Variants in BTBD1 observed in about 807,000 individuals in gnomAD.
BTBD1 encodes the protein BTB domain containing 1.
In BTBD1, 34 loss-of-function variants were observed where a neutral mutation model predicts 48.0. That is an observed-to-expected ratio of 0.71 (90% CI 0.54 to 0.94). The LOEUF is 0.94. BTBD1 is among the 40% of genes least tolerant of loss of function. The probability of loss-of-function intolerance (pLI) is 0.00; values close to 1 mark genes in which losing one functional copy is unlikely to be tolerated. For synonymous variants in BTBD1, 261 were observed against 242.1 expected (o/e 1.08, Z -0.72); for missense variants, 543 against 625.6 (o/e 0.87, Z 1.41).
chr15:83,067,121 C>T lies in BTBD1; in HGVS notation c.31G>A (p.Glu11Lys). The T allele has an allele frequency of 1.4e-6, 2 of 1,452,012 alleles. No homozygotes were observed. Among genetic ancestry groups the T allele is most frequent in the South Asian group, 1.5e-5 (1 of 68,370 alleles). 89.9% of individuals were successfully genotyped at this position (1,452,012 alleles called of 1,614,324 possible). A position where few individuals can be genotyped will look rare whatever the true frequency, so the allele number is the denominator to read the frequency against. The change falls in exon 1 of 8, where the codon GAG (glutamate) becomes AAG (lysine). Residue 11 changes from glutamate to lysine, a missense_variant. Glu to Lys is a moderately conservative substitution (Grantham distance 56). This residue lies in a region of BTBD1 where 173 missense variants were observed against 163.9 expected (regional missense o/e 1.06). Transcript: ENST00000261721. ...TCCGCCTCAGCCCCCGACGCCTGCT[C>T]CCCAGCTGCGGCAGGCCCGAGTGAG... is the stretch of plus-strand genomic sequence containing the variant. MASLGPAAAG[E>K]QASGAEAEPG... is the part of the protein sequence containing the mutation.
intron 2 of BTBD1, among the ~76,000 whole-genome samples, chr15:83,054,049 AGAT>A (rs1399110255): frequency 6.6e-6 from 1 of 152,004 alleles, no homozygotes; most frequent in East Asian, 1.9e-4. Flanking sequence ...GAGAATAAGG[AGAT>A]AATAGGCGAG....
intron 2 of BTBD1, among the ~76,000 whole-genome samples, chr15:83,054,287 G>A (rs1012812696): frequency 4.6e-5 from 7 of 151,940 alleles, no homozygotes; most frequent in South Asian, 2.1e-4. Flanking sequence ...GCAGTGAGCC[G>A]AACTGCACCA....
Position 83,017,960 on chromosome 15 carries a change from T to G in BTBD1, c.*107A>C. On this transcript the variant is annotated 3_prime_UTR_variant, in exon 8 of 8. Coordinates refer to ENST00000261721, the MANE Select transcript of BTBD1 (RefSeq NM_025238.4). ...TGCTCTAAGAAACTGTTTCTTATCTTACAATTTTAAATATTCATAACACTC... is the reference window on the plus strand; with the variant it reads ...TGCTCTAAGAAACTGTTTCTTATCTGACAATTTTAAATATTCATAACACTC... 1.5e-6 allele frequency: 1 copy of G among 659,590 alleles called. No homozygotes were observed. Among genetic ancestry groups the G allele is most frequent in the East Asian group, 3.0e-5 (1 of 33,288 alleles). 40.9% of individuals were successfully genotyped at this position (659,590 alleles called of 1,614,324 possible). A position where few individuals can be genotyped will look rare whatever the true frequency, so the allele number is the denominator to read the frequency against.
chr15:83,042,157 T>C (rs1160976067), intron 3 of BTBD1, among the ~76,000 whole-genome samples: 2 of 151,862 alleles, frequency 1.3e-5, no homozygotes. Context: ...ACATGCAATA[T>C]TAAGATACAG....
intron 2 of BTBD1, among the ~76,000 whole-genome samples, chr15:83,051,095 A>T (rs1567110922): frequency 6.6e-6 from 1 of 152,230 alleles, no homozygotes; most frequent in East Asian, 1.9e-4. Context: ...GATTTTTAAA[A>T]AGCTGAAACA....
At chr15:83,064,016 G>T (rs1054750199) in intron 1 of BTBD1, among the ~76,000 whole-genome samples, 7 of 152,096 alleles carry the variant, frequency 4.6e-5, no homozygotes, top group African/African-American at 1.4e-4. Flanking sequence ...TTTCACAAGC[G>T]CCCCAAAAGG....
intron 3 of BTBD1, chr15:83,044,269 T>A: frequency 3.0e-6 from 2 of 658,414 alleles, no homozygotes; most frequent in South Asian, 3.6e-5. Flanking sequence ...TAAAACATTT[T>A]AGATTTCTCA....
chr15:83,044,440 G>A, intron 3 of BTBD1: 1 of 1,575,138 alleles, frequency 6.3e-7, no homozygotes, highest in Non-Finnish European at 8.7e-7. Flanking sequence ...ATACATGAAG[G>A]AGGAGGAGTG....
rs1309131015 is a variant in BTBD1, at chr15:83,017,205, A to G, written c.*862T>C. 2.0e-5 allele frequency: 3 copies of G among 152,598 alleles called. No individual in the cohort carries two copies. The highest frequency in any genetic ancestry group is 7.2e-5 in the African/African-American group (3 of 41,422). 9.5% of individuals were successfully genotyped at this position (152,598 alleles called of 1,614,324 possible). On this transcript the variant is annotated 3_prime_UTR_variant, in exon 8 of 8. Coordinates refer to ENST00000261721, the MANE Select transcript of BTBD1 (RefSeq NM_025238.4). The stretch of plus-strand genomic sequence containing the variant: ...CAGAGCAGTTGTTAGAAATGTTAGT[A>G]TTTTATTCGGTTTCTTGCTGTGAAG...
At chr15:83,065,786 T>C (rs920343944) in intron 1 of BTBD1, among the ~76,000 whole-genome samples, 2 of 151,368 alleles carry the variant, frequency 1.3e-5, no homozygotes, top group South Asian at 4.2e-4. Flanking sequence ...GATTAAAAGC[T>C]AGTAATGCCA....
At chr15:83,040,753 TG>T (rs1038890858) in intron 4 of BTBD1, among the ~76,000 whole-genome samples, 1 of 150,824 alleles carries the variant, frequency 6.6e-6, no homozygotes, top group Non-Finnish European at 1.5e-5. Context: ...TGAATCAATC[TG>T]GCCGTGATTT....
rs567129797 is a variant in BTBD1, at chr15:83,059,524, G to C, written c.402-2979C>G. On this transcript the variant is annotated intron_variant, in intron 1 of 7. Transcript: ENST00000261721. ...CACGCCATTGTACTCCAGCCTGGGC[G>C]ACAGAGCAAGACTCCGTCTCAAAAA... Among the ~76,000 whole-genome samples, 4 of 152,276 alleles carry C rather than the reference G, an allele frequency of 2.6e-5. No individual in the cohort carries two copies. The South Asian group carries it at 8.3e-4, about 32-fold the overall frequency.
chr15:83,062,330 T>C (rs920476596), intron 1 of BTBD1, among the ~76,000 whole-genome samples: 1 of 152,048 alleles, frequency 6.6e-6, no homozygotes, highest in Non-Finnish European at 1.5e-5. Flanking sequence ...GAGAGGCAGG[T>C]AAAATTTTCA....
intron 3 of BTBD1, among the ~76,000 whole-genome samples, chr15:83,048,732 T>A (rs1390894676): frequency 1.3e-5 from 2 of 152,206 alleles, no homozygotes; most frequent in African/African-American, 4.8e-5. Flanking sequence ...AAGAGTTAAG[T>A]TCCTATGGCA....
intron 5 of BTBD1, chr15:83,024,223 A>G (rs1467067928): frequency 6.6e-6 from 1 of 152,132 alleles, no homozygotes; most frequent in Admixed American, 6.6e-5. Context: ...CTTACTGCCC[A>G]CTGGATTTTC....
At chr15:83,056,682 C>A (rs1018108183) in intron 1 of BTBD1, 137 bp from the exon 2 acceptor site, 1 of 596,554 alleles carries the variant, frequency 1.7e-6, no homozygotes. Flanking sequence ...CACCCACCCA[C>A]CCACCCAGCC....
chr15:83,060,338 CA>C (rs1465386377), intron 1 of BTBD1, among the ~76,000 whole-genome samples: 6 of 151,464 alleles, frequency 4.0e-5, no homozygotes, highest in Non-Finnish European at 8.8e-5. Flanking sequence ...GACATTACCA[CA>C]ATTCTTCGTA....
At chr15:83,060,728 A>G (rs2033163167) in intron 1 of BTBD1, among the ~76,000 whole-genome samples, 1 of 152,156 alleles carries the variant, frequency 6.6e-6, no homozygotes, top group Non-Finnish European at 1.5e-5. Flanking sequence ...CAGCAAGCGG[A>G]GATTGGGTAA....
At chr15:83,050,961 G>T (rs1159073189) in intron 2 of BTBD1, among the ~76,000 whole-genome samples, 1 of 151,270 alleles carries the variant, frequency 6.6e-6, no homozygotes, top group Non-Finnish European at 1.5e-5. Flanking sequence ...ACTAATTTTG[G>T]CTTTAAGATG....
Sources: allele counts gnomAD v4.1 joint callset (sites outside exome capture counted in the v4.1 genomes callset), GRCh38; gene constraint gnomAD v4.1.1; regional missense constraint gnomAD v4.1.1; transcripts MANE v1.5; gene names NCBI Gene and HGNC (gene_info 2026-07-23, HGNC 2026-07-21).